CACNA2D3: variants seen among roughly 807,000 people sequenced by gnomAD.
CACNA2D3 encodes the protein voltage-dependent calcium channel subunit alpha-2/delta-3.
In CACNA2D3, 60 loss-of-function variants were observed where a neutral mutation model predicts 160.6. That is an observed-to-expected ratio of 0.37 (90% confidence interval 0.30 to 0.46). The LOEUF (loss-of-function observed/expected upper bound fraction) is 0.46, where lower values mean the gene tolerates loss of function less well. CACNA2D3 is among the 20% of genes least tolerant of loss of function. CACNA2D3 has a pLI of 1.00. For synonymous variants in CACNA2D3, 558 were observed against 492.9 expected, an observed-to-expected ratio of 1.13 and a Z score of -1.75; for missense variants, 1,205 against 1,365.0, an observed-to-expected ratio of 0.88 and a Z score of 1.85.
intron 14 of CACNA2D3, among the ~76,000 whole-genome samples, chr3:54,822,143 CTATTT>C (rs1703617150): frequency 6.6e-6 from 1 of 152,168 alleles, no homozygotes; most frequent in Non-Finnish European, 1.5e-5. Context: ...TTATCATTTA[CTATTT>C]TATAGTAACA....
In CACNA2D3 at chr3:54,828,219, C is replaced by A. The variant is rs188012576; in HGVS notation, c.1399-8940C>A. 6.5e-3 allele frequency among the ~76,000 whole-genome samples: 984 copies of A among 152,250 alleles called. 10 individuals carry two copies. The highest frequency in any genetic ancestry group is 0.01 in the Non-Finnish European group (700 of 68,016). On this transcript the variant is annotated intron_variant, in intron 14 of 37. Coordinates refer to ENST00000474759, the MANE Select transcript of CACNA2D3 (RefSeq NM_018398.3). Reference sequence around the variant, plus strand: ...CATCTACTTGGAGGTGTCTAAACCACGTTTGTGAAAATATGAACATTTGGC... The same window carrying A: ...CATCTACTTGGAGGTGTCTAAACCAAGTTTGTGAAAATATGAACATTTGGC...
chr3:54,125,601 G>A (rs925866561), intron 2 of CACNA2D3, among the ~76,000 whole-genome samples: 5 of 152,240 alleles, frequency 3.3e-5, no homozygotes, highest in African/African-American at 7.2e-5. Flanking sequence ...AAATACTCAC[G>A]GCTTTGGGTT....
intron 2 of CACNA2D3, among the ~76,000 whole-genome samples, chr3:54,224,316 A>ATTT (rs1168870159): frequency 6.6e-6 from 1 of 152,188 alleles, no homozygotes; most frequent in African/African-American, 2.4e-5. Flanking sequence ...ACACTCTAAA[A>ATTT]TAACATTAAA....
intron 11 of CACNA2D3, among the ~76,000 whole-genome samples, chr3:54,736,016 TACAC>T (rs1283143287): frequency 0.017 from 1,426 of 86,202 alleles, 89 homozygotes; most frequent in East Asian, 0.027. Context: ...TGTATATATA[TACAC>T]ATACATATAT....
intron 5 of CACNA2D3, among the ~76,000 whole-genome samples, chr3:54,523,922 A>AT (rs1183568369): frequency 1.3e-5 from 2 of 151,114 alleles, no homozygotes; most frequent in East Asian, 1.9e-4. Flanking sequence ...AGTTTTGTCA[A>AT]TTTTTTTATC....
intron 9 of CACNA2D3, among the ~76,000 whole-genome samples, chr3:54,613,306 A>G (rs1698782755): frequency 6.6e-6 from 1 of 152,242 alleles, no homozygotes; most frequent in African/African-American, 2.4e-5. Flanking sequence ...GTGTGTCATA[A>G]AAGTCTTTGT....
chr3:54,227,633 C>A (rs1212375993), intron 2 of CACNA2D3, among the ~76,000 whole-genome samples: 3 of 152,104 alleles, frequency 2.0e-5, no homozygotes, highest in Non-Finnish European at 4.4e-5. Context: ...TGGCTCACTG[C>A]AACCTCCGCC....
intron 2 of CACNA2D3, among the ~76,000 whole-genome samples, chr3:54,134,711 T>C (rs1699785243): frequency 6.6e-6 from 1 of 152,260 alleles, no homozygotes; most frequent in African/African-American, 2.4e-5. Context: ...CAGCAGGGAC[T>C]GCCAGACAGC....
chr3:54,717,047 C>T (rs1417504093), intron 11 of CACNA2D3, among the ~76,000 whole-genome samples: 1 of 152,018 alleles, frequency 6.6e-6, no homozygotes, highest in Non-Finnish European at 1.5e-5. Context: ...TTTCTGACTT[C>T]TATCTCCATG....
chr3:54,887,290 A>G (rs1699949359), intron 23 of CACNA2D3, among the ~76,000 whole-genome samples: 1 of 151,914 alleles, frequency 6.6e-6, no homozygotes, highest in Admixed American at 6.6e-5. Context: ...GCCAGGTGGT[A>G]GTGGCCTGTG....
At chr3:54,341,939 G>C (rs1203044962) in intron 3 of CACNA2D3, among the ~76,000 whole-genome samples, 1 of 152,010 alleles carries the variant, frequency 6.6e-6, no homozygotes, top group Non-Finnish European at 1.5e-5. Context: ...CAGTGATCAG[G>C]CATGGTTCTG....
chr3:54,594,639 C>T (rs1702918925), intron 9 of CACNA2D3, among the ~76,000 whole-genome samples: 1 of 152,156 alleles, frequency 6.6e-6, no homozygotes, highest in South Asian at 2.1e-4. Flanking sequence ...TTTCTCTGTT[C>T]ATCAGTGTTT....
chr3:54,755,541 T>G (rs1181556721), intron 12 of CACNA2D3, among the ~76,000 whole-genome samples: 2 of 152,194 alleles, frequency 1.3e-5, no homozygotes, highest in Non-Finnish European at 2.9e-5. Flanking sequence ...CAATTGTGTT[T>G]CGTTCATTGT....
chr3:54,570,711 A>G (rs1011673003), intron 8 of CACNA2D3, among the ~76,000 whole-genome samples: 2 of 152,058 alleles, frequency 1.3e-5, no homozygotes, highest in Non-Finnish European at 2.9e-5. Flanking sequence ...CATATTCTCA[A>G]ATGAAGGTGC....
At chr3:54,489,032 C>A (rs1304813313) in intron 4 of CACNA2D3, among the ~76,000 whole-genome samples, 1 of 152,136 alleles carries the variant, frequency 6.6e-6, no homozygotes, top group Non-Finnish European at 1.5e-5. Context: ...CATAGAGAAT[C>A]ATGGAGCAAT....
intron 12 of CACNA2D3, among the ~76,000 whole-genome samples, chr3:54,761,661 A>G (rs1029417434): frequency 2.0e-5 from 3 of 152,168 alleles, no homozygotes; most frequent in African/African-American, 7.2e-5. Flanking sequence ...CCAGGTCTCA[A>G]ACTAGGACAG....
intron 31 of CACNA2D3, among the ~76,000 whole-genome samples, chr3:54,988,221 C>T (rs568558995): frequency 6.6e-6 from 1 of 152,318 alleles, no homozygotes; most frequent in African/African-American, 2.4e-5. Context: ...TCAAAATCCG[C>T]TCTTGATGGA....
chr3:54,689,360 G>GGT (rs1700529689), intron 11 of CACNA2D3, among the ~76,000 whole-genome samples: 1 of 152,062 alleles, frequency 6.6e-6, no homozygotes, highest in African/African-American at 2.4e-5. Flanking sequence ...TCCCAGGGAT[G>GGT]GTGTGATCTG....
intron 27 of CACNA2D3, among the ~76,000 whole-genome samples, chr3:54,941,581 A>T (rs1046293919): frequency 4.6e-5 from 7 of 152,134 alleles, no homozygotes; most frequent in Non-Finnish European, 8.8e-5. Flanking sequence ...AATATCTATC[A>T]TTGCTCCCCT....
Sources: gnomAD v4.1 joint callset for allele counts (sites outside exome capture counted in the v4.1 genomes callset) on GRCh38, gnomAD v4.1.1 for gene constraint, MANE v1.5 for transcripts, NCBI Gene and HGNC (gene_info 2026-07-23, HGNC 2026-07-21) for gene names.